Variants in FCAMR observed in about 807,000 individuals in gnomAD.
FCAMR encodes the protein Fc alpha and mu receptor.
In FCAMR, 51 loss-of-function variants were observed where a neutral mutation model predicts 52.2. That is an observed-to-expected ratio of 0.98 (90% confidence interval 0.78 to 1.23). The LOEUF is 1.23. Among genes scored for constraint, FCAMR ranks in the 50% most tolerant of loss-of-function variants. The pLI is 0.00. For synonymous variants in FCAMR, 282 were observed against 262.0 expected, an observed-to-expected ratio of 1.08 and a Z score of -0.74; for missense variants, 719 against 712.6, an observed-to-expected ratio of 1.01 and a Z score of -0.10.
In FCAMR at chr1:206,958,183, G is replaced by A. The variant is rs1423466486; in HGVS notation, c.*333C>T. The A allele has an allele frequency of 9.4e-6, 2 of 213,166 alleles. No individual in the cohort carries two copies. The highest frequency in any genetic ancestry group is 1.8e-5 in the Non-Finnish European group (2 of 108,212). The allele number at this position is 213,166 out of a possible 1,614,324, so 13.2% of individuals were successfully genotyped here. On this transcript the variant is annotated 3_prime_UTR_variant, in exon 8 of 8. Transcript: ENST00000324852. ...CAGCAAGGGCTGGGAGTGTTGATAG[G>A]GGATTTGTCACTTTCCACACTGATT...
chr1:206,959,116 C>G (rs973219112), intron 7 of FCAMR: 1 of 345,620 alleles, frequency 2.9e-6, no homozygotes, highest in Non-Finnish European at 5.8e-6. Flanking sequence ...TTGTAATCTT[C>G]CAGGAGCTTC....
At chr1:206,969,510 C>T (rs1372029973) in intron 1 of FCAMR, among the ~76,000 whole-genome samples, 2 of 152,170 alleles carry the variant, frequency 1.3e-5, no homozygotes, top group African/African-American at 4.8e-5. Flanking sequence ...GGGATGAGAC[C>T]ATATGAGGGG....
At chr1:206,967,375 T>C (rs1680754697) in intron 2 of FCAMR, among the ~76,000 whole-genome samples, 1 of 152,092 alleles carries the variant, frequency 6.6e-6, no homozygotes, top group Non-Finnish European at 1.5e-5. Context: ...TCAGAAGAGG[T>C]GAAACTCCCT....
intron 3 of FCAMR, among the ~76,000 whole-genome samples, chr1:206,966,457 C>A (rs1323063560): frequency 6.6e-6 from 1 of 152,236 alleles, no homozygotes; most frequent in Non-Finnish European, 1.5e-5. Context: ...GCGATCTCAG[C>A]TCACTGCAAC....
At chr1:206,964,239 T>G (rs1434945582) in intron 4 of FCAMR, among the ~76,000 whole-genome samples, 3 of 152,188 alleles carry the variant, frequency 2.0e-5, no homozygotes, top group Non-Finnish European at 4.4e-5. Flanking sequence ...CCCGCGGGGC[T>G]GTTGCTGGGA....
At position 206,970,119 on chromosome 1, in the gene FCAMR, C is replaced by T; in HGVS notation, c.7G>A (p.Gly3Arg). 2 of 1,614,108 alleles carry T rather than the reference C, an allele frequency of 1.2e-6. No individual in the cohort carries two copies. Among genetic ancestry groups the T allele is most frequent in the Non-Finnish European group, 1.7e-6 (2 of 1,179,984 alleles). Residue 3 changes from glycine to arginine, a missense_variant, in exon 1 of 8, where the codon GGA becomes AGA. Transcript: ENST00000324852. ...TCTCCAGGCTTCACTGTGGCCTCTCCATCCATCTCAGTCCAGAAACAAGAT... is the reference window on the plus strand; with the variant it reads ...TCTCCAGGCTTCACTGTGGCCTCTCTATCCATCTCAGTCCAGAAACAAGAT... MD[G>R]EATVKPGEQK...
rs373515731 is a variant in FCAMR at position 206,967,101 on chromosome 1, C to T, written c.120G>A (p.Arg40=). The T allele has an allele frequency of 8.7e-6, 14 of 1,613,828 alleles. No individual in the cohort carries two copies. The highest frequency in any genetic ancestry group is 1.1e-5 in the Non-Finnish European group (13 of 1,179,996). ...GTLPQSHVTS[R]RAGWKMPLFL... The stretch of plus-strand genomic sequence containing the variant: ...AGAGGGGCATTTTCCATCCCGCCCT[C>T]CTGCTGGTGACCTGCAAAAAACACT... Residue 40 remains arginine, a synonymous_variant, in exon 3 of 8, where the codon AGG becomes AGA. Coordinates refer to ENST00000324852, the MANE Select transcript of FCAMR (RefSeq NM_001170631.2).
chr1:206,968,105 C>T (rs190474602), intron 1 of FCAMR, among the ~76,000 whole-genome samples: 287 of 152,192 alleles, frequency 1.9e-3, no homozygotes, highest in African/African-American at 6.1e-3. Flanking sequence ...TTTGGGAGGC[C>T]GAGGCGGGTG....
chr1:206,964,423 G>A (rs1204871056), intron 4 of FCAMR, among the ~76,000 whole-genome samples: 2 of 152,068 alleles, frequency 1.3e-5, no homozygotes, highest in African/African-American at 2.4e-5. Context: ...ATCTCATGTT[G>A]AAATGTGATT....
intron 1 of FCAMR, among the ~76,000 whole-genome samples, chr1:206,968,110 C>T (rs1276245606): frequency 6.6e-5 from 10 of 152,128 alleles, no homozygotes; most frequent in African/African-American, 1.2e-4. Context: ...GAGGCCGAGG[C>T]GGGTGGATCA....
At chr1:206,968,990 C>T (rs1002487679) in intron 1 of FCAMR, among the ~76,000 whole-genome samples, 2 of 152,182 alleles carry the variant, frequency 1.3e-5, no homozygotes, top group African/African-American at 4.8e-5. Context: ...TGTAGCAAGT[C>T]CCCTAGCTTG....
intron 7 of FCAMR, chr1:206,959,034 G>A (rs1468110310): frequency 2.1e-6 from 1 of 476,190 alleles, no homozygotes; most frequent in East Asian, 6.5e-5. Context: ...TCCCAGGTCT[G>A]GGCCCTGCAC....
At chr1:206,964,301 G>A (rs893495000) in intron 4 of FCAMR, among the ~76,000 whole-genome samples, 4 of 152,030 alleles carry the variant, frequency 2.6e-5, no homozygotes, top group African/African-American at 4.8e-5. Context: ...AACATCTTGC[G>A]GTAGGATGTG....
rs989115215 is a variant in FCAMR at position 206,958,817 on chromosome 1, A to G, written c.1574-141T>C. The G allele has an allele frequency of 1.9e-5, 20 of 1,056,242 alleles. No individual in the cohort carries two copies. The Admixed American group carries it at 3.7e-4, about 20-fold the overall frequency. The allele number at this position is 1,056,242 out of a possible 1,614,324, so 65.4% of individuals were successfully genotyped here. ...AATGGAGCCCTAGTTGGCTAGGCTA[A>G]GCCAGCCTAGCCCATGATAGGGCTT... On this transcript the variant is annotated intron_variant, in intron 7 of 7. Coordinates refer to ENST00000324852, the MANE Select transcript of FCAMR (RefSeq NM_001170631.2).
At chr1:206,963,292 G>A (rs1418008295) in intron 4 of FCAMR, among the ~76,000 whole-genome samples, 1 of 152,140 alleles carries the variant, frequency 6.6e-6, no homozygotes, top group East Asian at 1.9e-4. Flanking sequence ...CTATGAATAT[G>A]TCTGCTTGGC....
At chr1:206,958,759 T>G in intron 7 of FCAMR, 83 bp from the exon 8 acceptor site, 2 of 1,573,880 alleles carry the variant, frequency 1.3e-6, no homozygotes, top group Non-Finnish European at 1.7e-6. Flanking sequence ...TCCCAACCAC[T>G]GCAAGTTTTC....
Position 206,965,828 on chromosome 1 carries a change from G to C in FCAMR, c.200C>G (p.Pro67Arg). 6.2e-7 allele frequency: 1 copy of C among 1,607,048 alleles called. No homozygotes were observed. Among genetic ancestry groups the C allele is most frequent in the South Asian group, 1.1e-5 (1 of 89,990 alleles). ...GCCCTCCCACAGCCATCTCGGATGGGGTCTTTTTTGTGGAAGGGCGAAAGA... is the reference window on the plus strand; with the variant it reads ...GCCCTCCCACAGCCATCTCGGATGGCGTCTTTTTTGTGGAAGGGCGAAAGA... ...GSSFALPQKRPHPRWLWEGSL... is the reference protein window; with the variant it reads ...GSSFALPQKRRHPRWLWEGSL... Residue 67 changes from proline (P) to arginine (R), a missense_variant, in exon 4 of 8, where the codon CCC becomes CGC. Pro to Arg is a moderately radical substitution (Grantham distance 103). Coordinates refer to ENST00000324852, the MANE Select transcript of FCAMR (RefSeq NM_001170631.2).
rs1040726699 is a variant in FCAMR at position 206,969,776 on chromosome 1, G to T, written c.39+311C>A. The stretch of plus-strand genomic sequence containing the variant: ...GCTGCAATAACTTGGCCAATGTTCT[G>T]TTCCTCTCCTCTACAAAAGAAGAGC... On this transcript the variant is annotated intron_variant, in intron 1 of 7. Transcript: ENST00000324852. Among the ~76,000 whole-genome samples, 3 of 152,326 alleles carry T rather than the reference G, an allele frequency of 2.0e-5. No homozygotes were observed. The East Asian group carries it at 5.8e-4, about 29-fold the overall frequency.
chr1:206,960,295 G>C (rs1456238305), intron 6 of FCAMR, 127 bp downstream of exon 6: 2 of 986,860 alleles, frequency 2.0e-6, no homozygotes, highest in Non-Finnish European at 2.9e-6. Context: ...GAGGGCATCC[G>C]ATGTGTATGT....
Sources: allele counts gnomAD v4.1 joint callset (sites outside exome capture counted in the v4.1 genomes callset), GRCh38; gene constraint gnomAD v4.1.1; transcripts MANE v1.5; gene names NCBI Gene and HGNC (gene_info 2026-07-23, HGNC 2026-07-21).